Variants in STRBP observed in about 807,000 individuals in gnomAD.
The protein encoded by STRBP is spermatid perinuclear RNA binding protein, also known as spermatid perinuclear RNA-binding protein.
Under a neutral mutation model 80.1 loss-of-function variants are expected in STRBP, and 13 were observed. The ratio of observed to expected loss-of-function variants is 0.16; its 90% CI spans 0.11 to 0.26. The LOEUF (loss-of-function observed/expected upper bound fraction) is 0.26. Among genes scored for constraint, STRBP ranks in the 10% least tolerant of loss-of-function variants. The probability of loss-of-function intolerance (pLI) is 1.00; values close to 1 mark genes in which losing one functional copy is unlikely to be tolerated. For missense variants in STRBP, 485 were observed against 815.2 expected, an observed-to-expected ratio of 0.59 and a Z score of 4.93; for synonymous variants, 284 against 291.2, an observed-to-expected ratio of 0.98 and a Z score of 0.25.
intron 2 of STRBP, among the ~76,000 whole-genome samples, chr9:123,224,738 C>G (rs570697020): frequency 7.9e-5 from 12 of 152,098 alleles, no homozygotes; most frequent in African/African-American, 2.9e-4. Flanking sequence ...AAGAAGTGAC[C>G]AATTGGAACT....
intron 2 of STRBP, among the ~76,000 whole-genome samples, chr9:123,234,778 G>A (rs2132589026): frequency 6.6e-6 from 1 of 151,998 alleles, no homozygotes; most frequent in South Asian, 2.1e-4. Context: ...TGGCCAAGAT[G>A]GTAAAACCCT....
chr9:123,239,150 C>T (rs1238605440), intron 1 of STRBP, among the ~76,000 whole-genome samples: 3 of 152,094 alleles, frequency 2.0e-5, no homozygotes, highest in African/African-American at 7.2e-5. Context: ...CTGAGGCAGG[C>T]GGATCATGAG....
intron 2 of STRBP, among the ~76,000 whole-genome samples, chr9:123,200,734 ATTTTTTTTTTTTTTT>A (rs71390418): frequency 8.0e-5 from 3 of 37,512 alleles, no homozygotes; most frequent in African/African-American, 3.8e-4. Context: ...CACCCCGCTA[ATTTTTTTTTTTTTTT>A]TTTTTTTTTT....
intron 18 of STRBP, 78 bp from the exon 19 acceptor site, chr9:123,125,751 A>C: frequency 1.7e-6 from 2 of 1,171,622 alleles, no homozygotes; most frequent in Non-Finnish European, 2.5e-6. Flanking sequence ...AAAATATCTG[A>C]CAGTAATTAT....
intron 11 of STRBP, among the ~76,000 whole-genome samples, chr9:123,149,273 T>C (rs2036953350): frequency 1.3e-5 from 2 of 152,258 alleles, no homozygotes; most frequent in African/African-American, 4.8e-5. Context: ...TCAATCTTGA[T>C]GTTCTCTTCA....
At chr9:123,258,570 A>G (rs1457090425) in intron 1 of STRBP, among the ~76,000 whole-genome samples, 4 of 152,176 alleles carry the variant, frequency 2.6e-5, no homozygotes, top group Middle Eastern at 3.4e-3. Flanking sequence ...TTGGGAGGCC[A>G]AGGCGGGCGG....
At chr9:123,197,643 T>C (rs1275930087) in intron 2 of STRBP, among the ~76,000 whole-genome samples, 2 of 145,954 alleles carry the variant, frequency 1.4e-5, no homozygotes, top group African/African-American at 2.5e-5. Flanking sequence ...TCTAGCTCCA[T>C]ACAAGTTGCT....
intron 2 of STRBP, among the ~76,000 whole-genome samples, chr9:123,199,642 G>A (rs1050413767): frequency 1.2e-4 from 18 of 152,150 alleles, no homozygotes; most frequent in Non-Finnish European, 2.2e-4. Context: ...ATTTGCAGAT[G>A]TTATAAAAGG....
chr9:123,202,182 T>C (rs762445281), intron 2 of STRBP, among the ~76,000 whole-genome samples: 13 of 152,218 alleles, frequency 8.5e-5, no homozygotes, highest in Admixed American at 5.9e-4. Context: ...TGCCATTCTG[T>C]ATGTTAGGTG....
chr9:123,226,061 A>T (rs2040225538), intron 2 of STRBP, among the ~76,000 whole-genome samples: 1 of 152,262 alleles, frequency 6.6e-6, no homozygotes, highest in African/African-American at 2.4e-5. Context: ...AAACTGTGGT[A>T]AATCCATACA....
intron 1 of STRBP, among the ~76,000 whole-genome samples, chr9:123,264,965 C>T (rs1396589190): frequency 1.3e-5 from 2 of 152,150 alleles, no homozygotes; most frequent in Admixed American, 6.6e-5. Context: ...ATCTTATATC[C>T]TACTGCTCAA....
chr9:123,233,526 T>C (rs554524944), intron 2 of STRBP, among the ~76,000 whole-genome samples: 2 of 152,308 alleles, frequency 1.3e-5, no homozygotes, highest in East Asian at 1.9e-4. Flanking sequence ...GAAGGTTAAA[T>C]AGTGGAGTGA....
intron 3 of STRBP, among the ~76,000 whole-genome samples, chr9:123,180,599 G>A (rs1330215447): frequency 1.3e-5 from 2 of 152,132 alleles, no homozygotes; most frequent in Admixed American, 6.5e-5. Context: ...TACAAAGATC[G>A]AAGGGTGGTA....
At chr9:123,120,483 G>C (rs1359635684), downstream of STRBP, among the ~76,000 whole-genome samples, 1 of 41,894 alleles carries the variant, frequency 2.4e-5, no homozygotes, top group Admixed American at 2.1e-4. Context: ...AATTGCGGGC[G>C]GGGGGGTGGG....
chr9:123,123,158 A>G lies in STRBP; in HGVS notation c.*2439T>C, dbSNP rs1564208607. ...AGAAATCTTGAGGGCCCAAGTGAAT[A>G]ATAAATGGTGCGACGCTCAGAGGCT... On this transcript the variant is annotated 3_prime_UTR_variant, in exon 19 of 19. Transcript: ENST00000348403. 1 of 985,446 alleles carries G rather than the reference A, an allele frequency of 1.0e-6. No homozygotes were observed. The highest frequency in any genetic ancestry group is 1.2e-6 in the Non-Finnish European group (1 of 829,952). The allele number at this position is 985,446 out of a possible 1,614,324, so 61.0% of individuals were successfully genotyped here.
intron 11 of STRBP, among the ~76,000 whole-genome samples, chr9:123,157,499 T>C (rs1588012001): frequency 6.6e-6 from 1 of 152,128 alleles, no homozygotes; most frequent in Non-Finnish European, 1.5e-5. Context: ...AGTGTATTGG[T>C]CCATTCTATT....
At chr9:123,260,408 G>A (rs1424445939) in intron 1 of STRBP, among the ~76,000 whole-genome samples, 3 of 152,138 alleles carry the variant, frequency 2.0e-5, no homozygotes, top group Admixed American at 2.0e-4. Context: ...AAGAACCTTT[G>A]TGTTAAGATA....
At position 123,167,016 on chromosome 9, in the gene STRBP, G is replaced by A. The variant is rs142610308; in HGVS notation, c.535+2886C>T. 5.6e-3 allele frequency among the ~76,000 whole-genome samples: 857 copies of A among 152,240 alleles called. 3 individuals carry two copies. The highest frequency in any genetic ancestry group is 9.0e-3 in the Non-Finnish European group (614 of 68,022). ...ATTATGGCAATTTAAAATGTAAATC[G>A]TGATTTGAAAGGAGTAGGTAGTTAG... On this transcript the variant is annotated intron_variant, in intron 6 of 18. Coordinates refer to ENST00000348403, the MANE Select transcript of STRBP (RefSeq NM_018387.5).
rs866003314 is a variant in STRBP, at chr9:123,212,880, C to T, written c.-165+23950G>A. Among the ~76,000 whole-genome samples, 25 of 152,254 alleles carry T rather than the reference C, an allele frequency of 1.6e-4. 1 individual carries two copies. In the Middle Eastern group the frequency reaches 0.01, roughly 62 times the overall value. On this transcript the variant is annotated intron_variant, in intron 2 of 18. Coordinates refer to ENST00000348403, the MANE Select transcript of STRBP (RefSeq NM_018387.5). ...CTCAGTATTTCACAGATAAAAGGGC[C>T]AGACTCATAAATTTTAAAACTCTCA...
Sources: gnomAD v4.1 joint callset for allele counts (sites outside exome capture counted in the v4.1 genomes callset) on GRCh38, gnomAD v4.1.1 for gene constraint, MANE v1.5 for transcripts, NCBI Gene and HGNC (gene_info 2026-07-23, HGNC 2026-07-21) for gene names.